Variants in SUGP2 observed in about 807,000 individuals in gnomAD.
SUGP2 encodes SURP and G-patch domain-containing protein 2.
A neutral mutation model predicts 90.5 loss-of-function variants in SUGP2; 24 were observed. The ratio of observed to expected loss-of-function variants is 0.27; its 90% CI spans 0.19 to 0.37. The LOEUF (loss-of-function observed/expected upper bound fraction) is 0.37, where lower values mean the gene tolerates loss of function less well. Ranked by LOEUF, SUGP2 falls within the 10% of genes least tolerant of loss-of-function variation. The pLI is 1.00. For synonymous variants in SUGP2, 473 were observed against 513.4 expected (o/e 0.92, Z 1.06); for missense variants, 1,233 against 1,363.3 (o/e 0.90, Z 1.51).
At chr19:19,019,773 A>G (rs2058639641) in intron 3 of SUGP2, among the ~76,000 whole-genome samples, 1 of 149,536 alleles carries the variant, frequency 6.7e-6, no homozygotes, top group Admixed American at 6.6e-5. Context: ...GAACTTAAAA[A>G]AAAAACTTGT....
At position 19,026,025 on chromosome 19, in the gene SUGP2, C is replaced by A; in HGVS notation, c.323G>T (p.Gly108Val). The change falls in exon 3 of 11, where the codon GGC (glycine) becomes GTC (valine). Residue 108 changes from glycine to valine, a missense_variant. Physicochemically the swap from Gly to Val is moderately radical, Grantham distance 109. Around this residue, in one of 8 missense-constraint regions of SUGP2, gnomAD observed 418 missense variants for 399.9 expected, o/e 1.05. Transcript: ENST00000452918. ...SDDSYFRKECGRDLEFSHSDS... is the reference protein window; with the variant it reads ...SDDSYFRKECVRDLEFSHSDS... ...AGAGTGAGAAAATTCCAGATCCCGGCCACATTCTTTGCGAAAGTAGCTGTC... is the reference window on the plus strand; with the variant it reads ...AGAGTGAGAAAATTCCAGATCCCGGACACATTCTTTGCGAAAGTAGCTGTC... 1.9e-6 allele frequency: 3 copies of A among 1,614,094 alleles called. No individual in the cohort carries two copies. The highest frequency in any genetic ancestry group is 2.5e-6 in the Non-Finnish European group (3 of 1,180,016).
chr19:18,998,775 G>A (rs2145294160), intron 8 of SUGP2: 1 of 152,594 alleles, frequency 6.6e-6, no homozygotes, highest in Middle Eastern at 3.4e-3. Flanking sequence ...TATGAAGGGA[G>A]GAGCTATGCT....
chr19:19,008,569 C>T (rs757485174), intron 5 of SUGP2, 141 bp from the exon 6 acceptor site: 1 of 700,704 alleles, frequency 1.4e-6, no homozygotes, highest in Non-Finnish European at 2.6e-6. Context: ...CATGTGGACC[C>T]TTTGTCACCA....
intron 7 of SUGP2, among the ~76,000 whole-genome samples, chr19:19,002,839 A>G (rs554071827): frequency 9.5e-4 from 145 of 152,016 alleles, no homozygotes; most frequent in Middle Eastern, 3.4e-3. Flanking sequence ...CTCATCAACT[A>G]CCCAAAGAAC....
At chr19:19,017,699 G>GA (rs1182329866) in intron 4 of SUGP2, among the ~76,000 whole-genome samples, 1 of 148,276 alleles carries the variant, frequency 6.7e-6, no homozygotes, top group African/African-American at 2.5e-5. Flanking sequence ...TTGAACCTGG[G>GA]AAACAGAGGT....
rs777073523 is a variant in SUGP2 at position 19,025,954 on chromosome 19, G to A, written c.394C>T (p.Arg132Cys). ...VIGHRKLGHFRSQDWKFALRG... is the reference protein window; with the variant it reads ...VIGHRKLGHFCSQDWKFALRG... Reference sequence around the variant, plus strand: ...AGCGCAAATTTCCAGTCCTGAGAACGGAAATGCCCCAATTTCCGGTGGCCA... The same window carrying A: ...AGCGCAAATTTCCAGTCCTGAGAACAGAAATGCCCCAATTTCCGGTGGCCA... The change falls in exon 3 of 11, where the codon CGT (arginine) becomes TGT (cysteine). Residue 132 changes from arginine to cysteine, a missense_variant. By Grantham distance (180) the Arg-to-Cys change is radical. Coordinates refer to ENST00000452918, the MANE Select transcript of SUGP2 (RefSeq NM_001017392.5). 12 of 1,614,018 alleles carry A rather than the reference G, an allele frequency of 7.4e-6. No homozygotes were observed. The highest frequency in any genetic ancestry group is 2.7e-5 in the African/African-American group (2 of 74,898).
In SUGP2 at chr19:19,025,818, C is replaced by A; in HGVS notation, c.530G>T (p.Arg177Met). ...SAVLGDFGSS[R>M]LIEKECLEKE... Reference sequence around the variant, plus strand: ...CTCCAAACACTCTTTCTCAATCAGCCTGGAAGATCCAAAGTCCCCCAAAAC... The same window carrying A: ...CTCCAAACACTCTTTCTCAATCAGCATGGAAGATCCAAAGTCCCCCAAAAC... Residue 177 changes from arginine (R) to methionine (M), a missense_variant, in exon 3 of 11, where the codon AGG becomes ATG. Transcript: ENST00000452918. 1.2e-6 allele frequency: 2 copies of A among 1,614,100 alleles called. No individual in the cohort carries two copies. The highest frequency in any genetic ancestry group is 3.3e-4 in the Middle Eastern group (2 of 6,062).
chr19:19,024,774 C>T lies in SUGP2; in HGVS notation c.1574G>A (p.Arg525Gln), dbSNP rs747682730. The part of the protein sequence containing the change: ...PNFEDSTLFG[R>Q]EYIDHLKAWL... ...GGCCTTCAGGTGGTCTATGTACTCT[C>T]GCCCAAACAAAGTGGAGTCTTCGAA... is the stretch of plus-strand genomic sequence containing the variant. The change falls in exon 3 of 11, where the codon CGA (arginine) becomes CAA (glutamine). Residue 525 changes from arginine (R) to glutamine (Q), a missense_variant. By Grantham distance (43) the Arg-to-Gln change is conservative. Transcript: ENST00000452918. The T allele has an allele frequency of 3.8e-5, 62 of 1,614,060 alleles. No individual in the cohort carries two copies. Among genetic ancestry groups the T allele is most frequent in the Non-Finnish European group, 4.9e-5 (58 of 1,180,038 alleles).
chr19:19,001,552 G>T, intron 8 of SUGP2, 61 bp downstream of exon 8: 2 of 1,530,124 alleles, frequency 1.3e-6, no homozygotes, highest in Non-Finnish European at 1.8e-6. Context: ...GCATCCTTTG[G>T]AACTCCAACA....
chr19:19,019,225 G>A lies in SUGP2; in HGVS notation c.1734C>T (p.Val578=), dbSNP rs752179026. ...AKAPSSLSDA[V]PQRADHRVVG... is the part of the protein sequence containing the mutation. ...CTACCCTGTGATCTGCTCGCTGGGG[G>A]ACAGCTGGAACACACAGAACAGCTT... Residue 578 remains valine (V), a synonymous_variant, in exon 4 of 11, where the codon GTC becomes GTT. Transcript: ENST00000452918. 32 of 1,612,902 alleles carry A rather than the reference G, an allele frequency of 2.0e-5. No homozygotes were observed. Among genetic ancestry groups the A allele is most frequent in the South Asian group, 2.0e-4 (18 of 91,020 alleles).
At chr19:19,006,429 C>T (rs1314113957) in intron 6 of SUGP2, among the ~76,000 whole-genome samples, 7 of 152,056 alleles carry the variant, frequency 4.6e-5, no homozygotes, top group Admixed American at 3.9e-4. Flanking sequence ...CCAGGGCTCT[C>T]CTTCCAGGGA....
rs779570713 is a variant in SUGP2 at position 19,026,022 on chromosome 19, C to T, written c.326G>A (p.Arg109Gln). The change falls in exon 3 of 11, where the codon CGG becomes CAG. Residue 109 changes from arginine (R) to glutamine (Q), a missense_variant. Arg to Gln is a conservative substitution (Grantham distance 43). Transcript: ENST00000452918. ...ATCAGAGTGAGAAAATTCCAGATCCCGGCCACATTCTTTGCGAAAGTAGCT... is the reference window on the plus strand; with the variant it reads ...ATCAGAGTGAGAAAATTCCAGATCCTGGCCACATTCTTTGCGAAAGTAGCT... ...DDSYFRKECG[R>Q]DLEFSHSDSR... The T allele has an allele frequency of 1.8e-5, 29 of 1,613,932 alleles. No homozygotes were observed. Among genetic ancestry groups the T allele is most frequent in the African/African-American group, 2.7e-5 (2 of 74,882 alleles).
intron 8 of SUGP2, among the ~76,000 whole-genome samples, chr19:18,998,432 G>GT (rs57466520): frequency 0.064 from 9,824 of 152,312 alleles, 381 homozygotes; most frequent in Middle Eastern, 0.14. Context: ...GATTACAGGT[G>GT]TAAGCCACCG....
rs1017095565 is a variant in SUGP2 at position 18,992,953 on chromosome 19, G to C, written c.*788C>G. ...GAGGAGCCTGCCTCTCCTTACAAAG[G>C]CTGTAATAAGACAGCACTTGACGAT... On this transcript the variant is annotated 3_prime_UTR_variant, in exon 11 of 11. Coordinates refer to ENST00000452918, the MANE Select transcript of SUGP2 (RefSeq NM_001017392.5). The C allele has an allele frequency of 1.3e-5, 2 of 152,268 alleles. No individual in the cohort carries two copies. The highest frequency in any genetic ancestry group is 4.8e-5 in the African/African-American group (2 of 41,404). The allele number at this position is 152,268 out of a possible 1,614,324, so 9.4% of individuals were successfully genotyped here. A position where few individuals can be genotyped will look rare whatever the true frequency, so the allele number is the denominator to read the frequency against.
intron 8 of SUGP2, among the ~76,000 whole-genome samples, chr19:18,998,061 T>G (rs1349577920): frequency 6.6e-6 from 1 of 152,166 alleles, no homozygotes; most frequent in African/African-American, 2.4e-5. Context: ...CCCAGACCAC[T>G]GGCTGTTCTC....
At chr19:18,995,598 G>A (rs900831401) in intron 8 of SUGP2, among the ~76,000 whole-genome samples, 2 of 152,160 alleles carry the variant, frequency 1.3e-5, no homozygotes, top group Non-Finnish European at 2.9e-5. Context: ...GGCCCTCAGC[G>A]GAACCCTGGA....
At chr19:19,001,708 C>T (rs1599416380) in intron 7 of SUGP2, 34 bp from the exon 8 acceptor site, 3 of 1,607,674 alleles carry the variant, frequency 1.9e-6, no homozygotes, top group South Asian at 1.1e-5. Flanking sequence ...CATACACATA[C>T]ATGTGCTTTT....
Position 19,001,692 on chromosome 19 carries a change from G to C in SUGP2, c.2930-18C>G. ...TTCATGGACTAGAAGACAAAAGAAA[G>C]AGACACATACACATACATGTGCTTT... On this transcript the variant is annotated intron_variant, in intron 7 of 10. Coordinates refer to ENST00000452918, the MANE Select transcript of SUGP2 (RefSeq NM_001017392.5). 1 of 1,613,776 alleles carries C rather than the reference G, an allele frequency of 6.2e-7. No individual in the cohort carries two copies. Among genetic ancestry groups the C allele is most frequent in the African/African-American group, 1.3e-5 (1 of 75,062 alleles).
At chr19:18,994,578 C>A in intron 9 of SUGP2, 92 bp from the exon 10 acceptor site, 1 of 1,516,370 alleles carries the variant, frequency 6.6e-7, no homozygotes, top group Non-Finnish European at 8.9e-7. Flanking sequence ...CCATGAGATG[C>A]AGGTGTTTGG....
Sources: allele counts gnomAD v4.1 joint callset (sites outside exome capture counted in the v4.1 genomes callset), GRCh38; gene constraint gnomAD v4.1.1; regional missense constraint gnomAD v4.1.1; transcripts MANE v1.5; gene names NCBI Gene and HGNC (gene_info 2026-07-23, HGNC 2026-07-21).